The following ERCC6L2 variants were observed in gnomAD, a reference collection of about 807,000 sequenced individuals.
The protein encoded by ERCC6L2 is DNA excision repair protein ERCC-6-like 2.
In ERCC6L2, 77 loss-of-function variants were observed where a neutral mutation model predicts 132.0. The observed-to-expected ratio is 0.58, with a 90% CI of 0.49 to 0.71. ERCC6L2 has a LOEUF of 0.71. Ranked by LOEUF, ERCC6L2 falls within the 30% of genes least tolerant of loss-of-function variation. ERCC6L2 has a pLI of 0.00. For synonymous variants in ERCC6L2, 583 were observed against 632.4 expected (o/e 0.92, Z 1.17); for missense variants, 1,542 against 1,837.6 (o/e 0.84, Z 2.94).
chr9:96,001,547 T>C (rs112058955), intron 17 of ERCC6L2, among the ~76,000 whole-genome samples: 1,557 of 152,306 alleles, frequency 0.01, 21 homozygotes, highest in Middle Eastern at 0.041. Flanking sequence ...TTGGTGTATT[T>C]ACAAACCTTG....
intron 17 of ERCC6L2, among the ~76,000 whole-genome samples, chr9:95,985,035 C>G (rs1445939181): frequency 6.6e-6 from 1 of 152,188 alleles, no homozygotes; most frequent in Non-Finnish European, 1.5e-5. Flanking sequence ...CATATCAACT[C>G]CTATCTGATG....
chr9:96,003,640 C>T (rs979213928), intron 17 of ERCC6L2, among the ~76,000 whole-genome samples: 1 of 152,192 alleles, frequency 6.6e-6, no homozygotes, highest in African/African-American at 2.4e-5. Flanking sequence ...ATAGCACCCA[C>T]ATGGTGCTAT....
chr9:95,949,509 T>C (rs1438806763), intron 12 of ERCC6L2, among the ~76,000 whole-genome samples: 2 of 151,974 alleles, frequency 1.3e-5, no homozygotes, highest in Non-Finnish European at 2.9e-5. Flanking sequence ...GATTTGTCAG[T>C]AGAAACTTTG....
chr9:95,892,548 A>G (rs938725357), intron 2 of ERCC6L2, among the ~76,000 whole-genome samples: 1 of 150,228 alleles, frequency 6.7e-6, no homozygotes, highest in Admixed American at 6.7e-5. Context: ...TCAGCCTCCC[A>G]AGTAGCTGGG....
intron 1 of ERCC6L2, chr9:95,876,451 T>A (rs1460381763): frequency 4.6e-6 from 1 of 219,138 alleles, no homozygotes; most frequent in Non-Finnish European, 8.9e-6. Context: ...CAGTAAATGT[T>A]ATTTTCATTC....
chr9:95,910,084 C>G (rs1451680684), intron 4 of ERCC6L2, among the ~76,000 whole-genome samples: 1 of 152,130 alleles, frequency 6.6e-6, no homozygotes, highest in East Asian at 1.9e-4. Flanking sequence ...ATCAATAAGA[C>G]TAGATTGGCC....
At chr9:95,901,828 C>T (rs1828794846) in intron 3 of ERCC6L2, among the ~76,000 whole-genome samples, 1 of 152,176 alleles carries the variant, frequency 6.6e-6, no homozygotes, top group Non-Finnish European at 1.5e-5. Context: ...TCACCAGTGA[C>T]ATTCTACAGT....
rs1402522091 is a variant in ERCC6L2, at chr9:96,015,486, C to A, written c.*2283C>A. Among the ~76,000 whole-genome samples the A allele has an allele frequency of 6.6e-6, 1 of 151,408 alleles. No homozygotes were observed. Among genetic ancestry groups the A allele is most frequent in the African/African-American group, 2.4e-5 (1 of 41,310 alleles). On this transcript the variant is annotated 3_prime_UTR_variant, in exon 19 of 19. Coordinates refer to ENST00000653738, the MANE Select transcript of ERCC6L2 (RefSeq NM_020207.7). Reference sequence around the variant, plus strand: ...TACAGGTGTGAGCCACCATGCCCAGCCAATAAATGCTATTAAAGAAACTTT... The same window carrying A: ...TACAGGTGTGAGCCACCATGCCCAGACAATAAATGCTATTAAAGAAACTTT...
intron 19 of ERCC6L2, among the ~76,000 whole-genome samples, chr9:96,037,849 A>G (rs180978160): frequency 6.6e-6 from 1 of 151,988 alleles, no homozygotes; most frequent in African/African-American, 2.4e-5. Flanking sequence ...AGAGAGAGAA[A>G]GTATCAAAAG....
chr9:95,949,880 C>T (rs903570135), intron 12 of ERCC6L2, among the ~76,000 whole-genome samples: 4 of 151,940 alleles, frequency 2.6e-5, no homozygotes, highest in Non-Finnish European at 5.9e-5. Context: ...TGGTGGCAGG[C>T]GCCTATAATC....
At chr9:95,966,789 AT>A in intron 14 of ERCC6L2, 75 bp downstream of exon 14, 1 of 1,222,920 alleles carries the variant, frequency 8.2e-7, no homozygotes, top group East Asian at 2.9e-5. Flanking sequence ...CTGAAATACA[AT>A]TGCTGTTGCC....
At chr9:96,031,825 C>T (rs1834464005) in intron 19 of ERCC6L2, among the ~76,000 whole-genome samples, 1 of 152,220 alleles carries the variant, frequency 6.6e-6, no homozygotes, top group South Asian at 2.1e-4. Context: ...CCTACCGCCA[C>T]AGGCCTGGTC....
intron 4 of ERCC6L2, among the ~76,000 whole-genome samples, 180 bp downstream of exon 4, chr9:95,907,451 C>T (rs1349408497): frequency 2.0e-5 from 3 of 151,570 alleles, no homozygotes; most frequent in South Asian, 4.2e-4. Flanking sequence ...GCAATCCACC[C>T]ACCTCAGCCT....
At chr9:95,880,029 G>T (rs915523717) in intron 1 of ERCC6L2, among the ~76,000 whole-genome samples, 1 of 152,010 alleles carries the variant, frequency 6.6e-6, no homozygotes, top group African/African-American at 2.4e-5. Flanking sequence ...ATTCATAGTG[G>T]TATATTTTCT....
At chr9:95,987,556 G>A (rs1833141445) in intron 17 of ERCC6L2, among the ~76,000 whole-genome samples, 1 of 152,174 alleles carries the variant, frequency 6.6e-6, no homozygotes, top group Non-Finnish European at 1.5e-5. Flanking sequence ...ACTGATACAA[G>A]AGGTGGGTTC....
At chr9:96,029,044 C>A (rs935749568) in intron 19 of ERCC6L2, among the ~76,000 whole-genome samples, 2 of 151,970 alleles carry the variant, frequency 1.3e-5, no homozygotes, top group African/African-American at 4.8e-5. Context: ...GTGGCTCAGG[C>A]CTGTAATCCC....
At chr9:95,957,811 A>C (rs944689563) in intron 13 of ERCC6L2, among the ~76,000 whole-genome samples, 2 of 152,000 alleles carry the variant, frequency 1.3e-5, no homozygotes, top group Non-Finnish European at 2.9e-5. Context: ...AATGGAGCAC[A>C]CCTTCTAGCC....
intron 19 of ERCC6L2, among the ~76,000 whole-genome samples, chr9:96,031,915 C>T (rs1834465078): frequency 6.6e-6 from 1 of 152,172 alleles, no homozygotes. Context: ...ATTCCCACCC[C>T]TTCTTTAAAA....
At chr9:95,927,547 CAG>C (rs1250113596) in intron 9 of ERCC6L2, among the ~76,000 whole-genome samples, 2 of 151,980 alleles carry the variant, frequency 1.3e-5, no homozygotes, top group Non-Finnish European at 2.9e-5. Context: ...ATCTGGAAGT[CAG>C]AGCTTACTGT....
Sources: gnomAD v4.1 joint callset for allele counts (sites outside exome capture counted in the v4.1 genomes callset) on GRCh38, gnomAD v4.1.1 for gene constraint, MANE v1.5 for transcripts, NCBI Gene and HGNC (gene_info 2026-07-23, HGNC 2026-07-21) for gene names.